Variants in PPM1B observed in about 807,000 individuals in gnomAD.
PPM1B encodes the protein protein phosphatase, Mg2+/Mn2+ dependent 1B.
Under a neutral mutation model 43.0 loss-of-function variants are expected in PPM1B, and 22 were observed. That is an observed-to-expected ratio of 0.51 (90% CI 0.37 to 0.73). PPM1B has a LOEUF of 0.73. PPM1B is among the 30% of genes least tolerant of loss of function. The probability of loss-of-function intolerance (pLI) is 0.00; values close to 1 mark genes in which losing one functional copy is unlikely to be tolerated. For missense variants in PPM1B, 632 were observed against 584.2 expected (o/e 1.08, Z -0.84); for synonymous variants, 217 against 197.9 (o/e 1.10, Z -0.81).
rs929923944 is a variant in PPM1B at position 44,201,028 on chromosome 2, T to G, written c.-14-158T>G. Among the ~76,000 whole-genome samples, 6 of 152,134 alleles carry G rather than the reference T, an allele frequency of 3.9e-5. No individual in the cohort carries two copies. The highest frequency in any genetic ancestry group is 1.4e-4 in the African/African-American group (6 of 41,418). On this transcript the variant is annotated intron_variant, in intron 1 of 5. Transcript: ENST00000282412. The surrounding 1 kb of genome is among the most constrained non-coding windows in gnomAD (Gnocchi z 5.4). ...TGAGAAACCACTGTTCTGTAGGATG[T>G]AGGGGAGGAAATTTCTTGGGCTTTT...
downstream of PPM1B, among the ~76,000 whole-genome samples, chr2:44,239,133 C>G (rs997901425): frequency 7.4e-5 from 10 of 134,888 alleles, no homozygotes; most frequent in African/African-American, 2.9e-4. Flanking sequence ...ACAAATGGAT[C>G]ACTGCATGCC....
intron 3 of PPM1B, among the ~76,000 whole-genome samples, chr2:44,214,302 C>G (rs1338395708): frequency 6.6e-6 from 1 of 152,024 alleles, no homozygotes; most frequent in East Asian, 1.9e-4. Flanking sequence ...ATCTCGTGAC[C>G]TCGTGATCTG....
intron 1 of PPM1B, among the ~76,000 whole-genome samples, chr2:44,173,473 T>G (rs1478913892): frequency 6.6e-6 from 1 of 152,214 alleles, no homozygotes; most frequent in Non-Finnish European, 1.5e-5. Flanking sequence ...ACAGGGTGCT[T>G]TATTTCTCCC....
intron 1 of PPM1B, among the ~76,000 whole-genome samples, chr2:44,183,362 G>A (rs1389378395): frequency 1.3e-5 from 2 of 152,186 alleles, no homozygotes; most frequent in Non-Finnish European, 2.9e-5. Context: ...ATTTTGCCTT[G>A]AACATTCTTC....
At chr2:44,223,579 G>T (rs1313932753) in intron 5 of PPM1B, among the ~76,000 whole-genome samples, 1 of 151,982 alleles carries the variant, frequency 6.6e-6, no homozygotes, top group Non-Finnish European at 1.5e-5. Flanking sequence ...GGAGGGCGAG[G>T]CAGGAGGATC....
chr2:44,237,927 T>A (rs147890573), downstream of PPM1B, among the ~76,000 whole-genome samples: 96 of 152,190 alleles, frequency 6.3e-4, no homozygotes, highest in East Asian at 0.017. Context: ...TGAGATGGAG[T>A]TTCATGTTTG....
At chr2:44,241,195 G>T (rs1438854037) in intron 5 of PPM1B, among the ~76,000 whole-genome samples, 2 of 142,244 alleles carry the variant, frequency 1.4e-5, no homozygotes, top group Non-Finnish European at 3.1e-5. Flanking sequence ...TAGGGTGGGG[G>T]TTTCTCCATG....
chr2:44,191,468 C>T (rs1203774720), intron 1 of PPM1B, among the ~76,000 whole-genome samples: 1 of 152,204 alleles, frequency 6.6e-6, no homozygotes, highest in Non-Finnish European at 1.5e-5. Flanking sequence ...CCTGCCTCAG[C>T]CTCCCAAAGT....
At chr2:44,244,283 A>C in exon 6 of PPM1B, 1 of 1,361,484 alleles carries the variant, frequency 7.3e-7, no homozygotes. Context: ...GGTGACAAGA[A>C]AGGCAGTGGC....
downstream of PPM1B, among the ~76,000 whole-genome samples, chr2:44,237,250 CAA>C (rs1477305853): frequency 6.6e-6 from 1 of 151,580 alleles, no homozygotes; most frequent in Non-Finnish European, 1.5e-5. Context: ...AAATGCTAAA[CAA>C]GTGTTTGTTT....
rs755723501 is a variant in PPM1B, at chr2:44,218,466, T to G, written c.1077-14T>G. 47 of 651,036 alleles carry G rather than the reference T, an allele frequency of 7.2e-5. No individual in the cohort carries two copies. The highest frequency in any genetic ancestry group is 9.5e-5 in the Non-Finnish European group (44 of 461,398). The allele number at this position is 651,036 out of a possible 1,614,324, so 40.3% of individuals were successfully genotyped here. ...TGTAATTTAATAAAACTAAAGCATG[T>G]TTTTTTTTTTTAGGCGTAATGTTAT... On this transcript the variant is annotated splice_polypyrimidine_tract_variant and intron_variant, in intron 4 of 5. Coordinates refer to ENST00000282412, the MANE Select transcript of PPM1B (RefSeq NM_002706.6).
At chr2:44,188,999 G>T (rs754375486) in intron 1 of PPM1B, among the ~76,000 whole-genome samples, 26 of 152,012 alleles carry the variant, frequency 1.7e-4, no homozygotes, top group Admixed American at 3.3e-4. Context: ...CTCCCGGGTA[G>T]CTGGGACTAC....
intron 1 of PPM1B, among the ~76,000 whole-genome samples, chr2:44,189,955 A>C (rs1668325035): frequency 6.6e-6 from 1 of 152,226 alleles, no homozygotes; most frequent in African/African-American, 2.4e-5. Context: ...GATTAGAGAT[A>C]AATGGCTTTG....
At chr2:44,234,691 C>CATAA, downstream of PPM1B, 1 of 810,072 alleles carries the variant, frequency 1.2e-6, no homozygotes, top group Non-Finnish European at 1.5e-6. Flanking sequence ...TGAGGACCCA[C>CATAA]TTATACTCTT....
chr2:44,184,957 T>A (rs992280157), intron 1 of PPM1B, among the ~76,000 whole-genome samples: 1 of 149,498 alleles, frequency 6.7e-6, no homozygotes, highest in Non-Finnish European at 1.5e-5. Flanking sequence ...ATTATGACAC[T>A]TATTAGACCG....
intron 5 of PPM1B, among the ~76,000 whole-genome samples, chr2:44,227,922 C>CTTTTTTTTTTT (rs59259343): frequency 9.4e-6 from 1 of 106,800 alleles, no homozygotes; most frequent in Non-Finnish European, 1.8e-5. Context: ...TTTTTCTTTT[C>CTTTTTTTTTTT]TTTTTTTTTT....
At chr2:44,200,142 G>A (rs554553881) in intron 1 of PPM1B, among the ~76,000 whole-genome samples, 1 of 152,154 alleles carries the variant, frequency 6.6e-6, no homozygotes, top group African/African-American at 2.4e-5. Flanking sequence ...GGTGTTTATT[G>A]TGTTTTAAGT....
rs779882226 is a variant in PPM1B at position 44,218,057 on chromosome 2, C to T, written c.1055C>T (p.Pro352Leu). The T allele has an allele frequency of 1.2e-6, 2 of 1,612,742 alleles. No individual in the cohort carries two copies. The highest frequency in any genetic ancestry group is 1.7e-6 in the Non-Finnish European group (2 of 1,179,450). Residue 352 changes from proline (P) to leucine (L), a missense_variant, in exon 4 of 6, where the codon CCT becomes CTT. By Grantham distance (98) the Pro-to-Leu change is moderately conservative. Coordinates refer to ENST00000282412, the MANE Select transcript of PPM1B (RefSeq NM_002706.6). The part of the protein sequence containing the change: ...LSAENIPNLP[P>L]GGGLAGKRNV... Reference sequence around the variant, plus strand: ...GCAGAAAATATCCCAAATTTGCCTCCTGGGGGAGGTCTTGCTGGCAAGTAA... The same window carrying T: ...GCAGAAAATATCCCAAATTTGCCTCTTGGGGGAGGTCTTGCTGGCAAGTAA...
chr2:44,193,693 C>T (rs546922765), intron 1 of PPM1B, among the ~76,000 whole-genome samples: 1 of 150,430 alleles, frequency 6.6e-6, no homozygotes, highest in Non-Finnish European at 1.5e-5. Context: ...GATCCTGCTG[C>T]TTCAGCCCCC....
Sources: gnomAD v4.1 joint callset for allele counts (sites outside exome capture counted in the v4.1 genomes callset) on GRCh38, gnomAD v4.1.1 for gene constraint, Gnocchi (gnomAD v3.1) non-coding constraint, MANE v1.5 for transcripts, NCBI Gene and HGNC (gene_info 2026-07-23, HGNC 2026-07-21) for gene names.